Variants in CDH18 observed in about 807,000 individuals in gnomAD.
CDH18 encodes the protein cadherin 18.
In CDH18, 31 loss-of-function variants were observed where a neutral mutation model predicts 67.9. That is an observed-to-expected ratio of 0.46 (90% CI 0.34 to 0.62). CDH18 has a LOEUF of 0.62. Ranked by LOEUF, CDH18 falls within the 20% of genes least tolerant of loss-of-function variation. The probability of loss-of-function intolerance (pLI) is 0.01; values close to 1 mark genes in which losing one functional copy is unlikely to be tolerated. For synonymous variants in CDH18, 362 were observed against 347.2 expected (o/e 1.04, Z -0.48); for missense variants, 890 against 975.5 (o/e 0.91, Z 1.17).
intron 2 of CDH18, among the ~76,000 whole-genome samples, chr5:20,015,125 G>T (rs1452508524): frequency 6.6e-6 from 1 of 152,128 alleles, no homozygotes; most frequent in Non-Finnish European, 1.5e-5. Context: ...TAATCTATCT[G>T]CATGGTAGAT....
intron 5 of CDH18, among the ~76,000 whole-genome samples, chr5:19,613,334 A>G (rs1749302116): frequency 6.6e-6 from 1 of 152,168 alleles, no homozygotes; most frequent in African/African-American, 2.4e-5. Flanking sequence ...TGGCAGAGTT[A>G]TCAATGTTTA....
At chr5:19,680,723 C>T (rs540991286) in intron 5 of CDH18, among the ~76,000 whole-genome samples, 1 of 152,034 alleles carries the variant, frequency 6.6e-6, no homozygotes, top group South Asian at 2.1e-4. Flanking sequence ...GAGGCACCAT[C>T]TCACACCAGA....
At chr5:20,443,246 A>G (rs1225783614) in intron 1 of CDH18, among the ~76,000 whole-genome samples, 3 of 150,026 alleles carry the variant, frequency 2.0e-5, no homozygotes, top group African/African-American at 7.4e-5. Flanking sequence ...ATCTTTTGCA[A>G]ATAAGAGTGA....
At chr5:19,738,466 G>T (rs544134514) in intron 4 of CDH18, among the ~76,000 whole-genome samples, 84 of 152,110 alleles carry the variant, frequency 5.5e-4, no homozygotes, top group Middle Eastern at 6.8e-3. Flanking sequence ...AAACTGCCAA[G>T]AATCTCTGAC....
chr5:19,478,098 A>G (rs1738787926), intron 12 of CDH18, among the ~76,000 whole-genome samples: 1 of 152,082 alleles, frequency 6.6e-6, no homozygotes, highest in Non-Finnish European at 1.5e-5. Context: ...AGATGGGGAA[A>G]CATTTTTTGT....
intron 2 of CDH18, among the ~76,000 whole-genome samples, chr5:20,010,586 T>C (rs953524655): frequency 6.6e-6 from 1 of 152,168 alleles, no homozygotes; most frequent in East Asian, 1.9e-4. Flanking sequence ...ATTTTCTATA[T>C]CATTCAATCC....
At chr5:20,115,522 C>CCGCCT (rs1275632950) in intron 2 of CDH18, among the ~76,000 whole-genome samples, 1 of 151,794 alleles carries the variant, frequency 6.6e-6, no homozygotes, top group Non-Finnish European at 1.5e-5. Context: ...CATGATCCAC[C>CCGCCT]CGCCTCAGCC....
At chr5:19,599,370 T>C (rs528530788) in intron 6 of CDH18, among the ~76,000 whole-genome samples, 12 of 152,146 alleles carry the variant, frequency 7.9e-5, no homozygotes, top group Middle Eastern at 3.2e-3. Flanking sequence ...ATTTTCAAAA[T>C]GCAAGAATTT....
intron 2 of CDH18, among the ~76,000 whole-genome samples, chr5:19,891,687 C>T (rs1429059285): frequency 6.6e-6 from 1 of 152,022 alleles, no homozygotes; most frequent in East Asian, 1.9e-4. Flanking sequence ...TCCATGTAAC[C>T]TCTGAATTTC....
At chr5:19,803,665 G>A (rs541210440) in intron 3 of CDH18, among the ~76,000 whole-genome samples, 6 of 152,294 alleles carry the variant, frequency 3.9e-5, no homozygotes, top group African/African-American at 1.4e-4. Flanking sequence ...AATCCAGTAA[G>A]ACGCAAAGCA....
intron 11 of CDH18, among the ~76,000 whole-genome samples, chr5:19,487,077 T>G (rs1740522526): frequency 6.6e-6 from 1 of 152,124 alleles, no homozygotes; most frequent in Non-Finnish European, 1.5e-5. Context: ...AGATTTTGTA[T>G]AGCCAGAACA....
intron 2 of CDH18, among the ~76,000 whole-genome samples, chr5:19,846,306 T>C (rs1427825818): frequency 6.6e-6 from 1 of 152,118 alleles, no homozygotes; most frequent in African/African-American, 2.4e-5. Flanking sequence ...TCACCCACAC[T>C]AACATGCTTT....
intron 2 of CDH18, among the ~76,000 whole-genome samples, chr5:20,051,377 A>G (rs1352437853): frequency 2.0e-5 from 3 of 152,076 alleles, no homozygotes; most frequent in Non-Finnish European, 2.9e-5. Context: ...AGTCTTCTAT[A>G]ATATTTCTAC....
At chr5:20,396,568 T>C (rs1187740137) in intron 1 of CDH18, among the ~76,000 whole-genome samples, 2 of 152,102 alleles carry the variant, frequency 1.3e-5, no homozygotes. Context: ...TTAATTAATA[T>C]AATTGAATTT....
chr5:20,342,986 G>A (rs984074711), intron 1 of CDH18, among the ~76,000 whole-genome samples: 1 of 152,144 alleles, frequency 6.6e-6, no homozygotes, highest in Non-Finnish European at 1.5e-5. Context: ...TGTGAGGGCA[G>A]CACCTGCATC....
At chr5:19,690,991 T>C (rs185542711) in intron 5 of CDH18, among the ~76,000 whole-genome samples, 114 of 152,024 alleles carry the variant, frequency 7.5e-4, no homozygotes, top group Non-Finnish European at 1.5e-3. Flanking sequence ...TACAGGTTAA[T>C]ATCCCTAATG....
At chr5:20,382,201 G>A (rs757470242) in intron 1 of CDH18, among the ~76,000 whole-genome samples, 8 of 152,050 alleles carry the variant, frequency 5.3e-5, no homozygotes, top group African/African-American at 9.7e-5. Flanking sequence ...ATAAAATTTC[G>A]AGAATATGTC....
chr5:20,390,938 A>T (rs1744795355), intron 1 of CDH18, among the ~76,000 whole-genome samples: 2 of 152,032 alleles, frequency 1.3e-5, no homozygotes, highest in Non-Finnish European at 1.5e-5. Context: ...GAACAATGAG[A>T]ACACATGGAC....
intron 1 of CDH18, among the ~76,000 whole-genome samples, chr5:20,463,744 A>G (rs1369779203): frequency 6.6e-6 from 1 of 152,152 alleles, no homozygotes; most frequent in Non-Finnish European, 1.5e-5. Flanking sequence ...TTGAACTTTG[A>G]AGGCTAGAAT....
Sources: gnomAD v4.1 joint callset for allele counts (sites outside exome capture counted in the v4.1 genomes callset) on GRCh38, gnomAD v4.1.1 for gene constraint, MANE v1.5 for transcripts, NCBI Gene and HGNC (gene_info 2026-07-23, HGNC 2026-07-21) for gene names.